Variants in CACNA2D2 observed in about 807,000 individuals in gnomAD.
CACNA2D2 encodes the protein voltage-dependent calcium channel subunit alpha-2/delta-2.
A neutral mutation model predicts 166.4 loss-of-function variants in CACNA2D2; 48 were observed. The observed-to-expected ratio is 0.29, with a 90% confidence interval of 0.23 to 0.37. CACNA2D2 has a LOEUF of 0.37. Among genes scored for constraint, CACNA2D2 ranks in the 10% least tolerant of loss-of-function variants. The pLI is 1.00. For synonymous variants in CACNA2D2, 561 were observed against 573.7 expected (o/e 0.98, Z 0.32); for missense variants, 1,122 against 1,433.0 (o/e 0.78, Z 3.50).
At chr3:50,458,483 G>A (rs995982836) in intron 2 of CACNA2D2, among the ~76,000 whole-genome samples, 4 of 152,162 alleles carry the variant, frequency 2.6e-5, no homozygotes, top group African/African-American at 9.7e-5. Flanking sequence ...TGAGAGGGTG[G>A]TAAGAGACCA....
At chr3:50,425,319 A>G (rs1437766544) in intron 3 of CACNA2D2, among the ~76,000 whole-genome samples, 1 of 152,124 alleles carries the variant, frequency 6.6e-6, no homozygotes, top group Admixed American at 6.5e-5. Flanking sequence ...TGGGAACTCT[A>G]CTAAGATGCC....
At chr3:50,389,319 G>A (rs935662259) in intron 4 of CACNA2D2, among the ~76,000 whole-genome samples, 1 of 152,206 alleles carries the variant, frequency 6.6e-6, no homozygotes, top group Admixed American at 6.5e-5. Context: ...TAAACTGAGG[G>A]GGAAAAAATA....
intron 2 of CACNA2D2, among the ~76,000 whole-genome samples, chr3:50,442,069 T>A (rs1054973558): frequency 6.6e-6 from 1 of 152,252 alleles, no homozygotes; most frequent in Non-Finnish European, 1.5e-5. Flanking sequence ...AGCATTCCTA[T>A]GGCCGTGTGC....
intron 2 of CACNA2D2, among the ~76,000 whole-genome samples, chr3:50,437,428 A>C (rs1708401084): frequency 6.6e-6 from 1 of 152,224 alleles, no homozygotes; most frequent in African/African-American, 2.4e-5. Flanking sequence ...GCAGAATCCC[A>C]GAAGTGCAGG....
At chr3:50,430,879 G>A (rs955957979) in intron 3 of CACNA2D2, among the ~76,000 whole-genome samples, 5 of 152,124 alleles carry the variant, frequency 3.3e-5, no homozygotes, top group Non-Finnish European at 5.9e-5. Flanking sequence ...CTGAGGGCCC[G>A]GCCTGTTTCC....
At chr3:50,408,975 C>A (rs1256613741) in intron 3 of CACNA2D2, among the ~76,000 whole-genome samples, 1 of 152,226 alleles carries the variant, frequency 6.6e-6, no homozygotes, top group Non-Finnish European at 1.5e-5. Flanking sequence ...TCCACTACAC[C>A]ATCTCCCAGG....
At chr3:50,373,326 G>T (rs1054430111) in intron 22 of CACNA2D2, among the ~76,000 whole-genome samples, 4 of 150,728 alleles carry the variant, frequency 2.7e-5, no homozygotes, top group African/African-American at 4.9e-5. Context: ...CCAGGCAGGT[G>T]GGGGGCGCCC....
intron 4 of CACNA2D2, among the ~76,000 whole-genome samples, chr3:50,392,855 T>G (rs1169554755): frequency 2.0e-5 from 3 of 152,214 alleles, no homozygotes; most frequent in Non-Finnish European, 4.4e-5. Flanking sequence ...TCCTGTCTCC[T>G]GGGGAAGGGG....
chr3:50,446,475 G>A (rs1708852451), intron 2 of CACNA2D2, among the ~76,000 whole-genome samples: 1 of 152,186 alleles, frequency 6.6e-6, no homozygotes, highest in Admixed American at 6.5e-5. Context: ...CCCAGCAGCT[G>A]TCTCCAGCCT....
At position 50,378,973 on chromosome 3, in the gene CACNA2D2, G is replaced by C. The variant is rs150534078; in HGVS notation, c.1281C>G (p.Ser427=). ...TGACGTCATAGTTATGCTGCCCCAC[G>C]GAGAAAGTAAACACGCGCACCTGTG... ...PNRTVRVFTF[S]VGQHNYDVTP... Residue 427 remains serine, a synonymous_variant, in exon 13 of 38, where the codon TCC becomes TCG. Transcript: ENST00000424201. The C allele has an allele frequency of 1.2e-6, 2 of 1,613,800 alleles. No homozygotes were observed. Among genetic ancestry groups the C allele is most frequent in the African/African-American group, 2.7e-5 (2 of 74,934 alleles).
chr3:50,424,884 A>G (rs1305912006), intron 3 of CACNA2D2, among the ~76,000 whole-genome samples: 1 of 151,944 alleles, frequency 6.6e-6, no homozygotes, highest in Non-Finnish European at 1.5e-5. Context: ...AAGACAGCTG[A>G]GGGTCTAGGA....
At chr3:50,382,296 T>A (rs587666542) in intron 6 of CACNA2D2, among the ~76,000 whole-genome samples, 70 of 152,232 alleles carry the variant, frequency 4.6e-4, no homozygotes, top group African/African-American at 1.6e-3. Flanking sequence ...CCAGCCACCG[T>A]CACCCCGTAC....
intron 3 of CACNA2D2, among the ~76,000 whole-genome samples, chr3:50,398,496 A>C (rs1426258765): frequency 6.6e-6 from 1 of 152,152 alleles, no homozygotes; most frequent in Admixed American, 6.5e-5. Context: ...ATGCACAGTG[A>C]ATGTCTGCTA....
rs112619900 is a variant in CACNA2D2 at position 50,475,174 on chromosome 3, C to T, written c.288+944G>A. On this transcript the variant is annotated intron_variant, in intron 2 of 37. Transcript: ENST00000424201. ...AGGAAGGGATTGAGGACAACCCCTA[C>T]GGTCCCTGCCCCACCGAGGTTACAT... 1.8e-3 allele frequency among the ~76,000 whole-genome samples: 280 copies of T among 152,230 alleles called. 2 individuals are homozygous for T. The highest frequency in any genetic ancestry group is 5.3e-3 in the African/African-American group (220 of 41,538).
Position 50,364,511 on chromosome 3 carries a change from A to T in CACNA2D2, c.*155T>A. 1 of 922,242 alleles carries T rather than the reference A, an allele frequency of 1.1e-6. No individual in the cohort carries two copies. The highest frequency in any genetic ancestry group is 1.6e-6 in the Non-Finnish European group (1 of 635,304). 57.1% of individuals were successfully genotyped at this position (922,242 alleles called of 1,614,324 possible). On this transcript the variant is annotated 3_prime_UTR_variant, in exon 38 of 38. Transcript: ENST00000424201. ...GCGGCGTCCCGCTTTGGGACTCCCC[A>T]TCCCAAGGCGCAGACCAGACTCTCA...
chr3:50,393,746 C>G (rs1706002572), intron 4 of CACNA2D2, among the ~76,000 whole-genome samples: 2 of 152,198 alleles, frequency 1.3e-5, no homozygotes, highest in South Asian at 4.1e-4. Flanking sequence ...CCCAGCATCT[C>G]TTGCAGGTCA....
At chr3:50,433,092 A>G (rs1390841851) in intron 3 of CACNA2D2, among the ~76,000 whole-genome samples, 1 of 152,204 alleles carries the variant, frequency 6.6e-6, no homozygotes, top group Non-Finnish European at 1.5e-5. Context: ...TGCAACCATC[A>G]CCACAATCTA....
chr3:50,411,114 TCCA>T (rs1706993407), intron 3 of CACNA2D2, among the ~76,000 whole-genome samples: 1 of 152,150 alleles, frequency 6.6e-6, no homozygotes, highest in African/African-American at 2.4e-5. Context: ...ACCTATAGGC[TCCA>T]CCACCTGCCC....
intron 2 of CACNA2D2, among the ~76,000 whole-genome samples, chr3:50,468,545 G>A (rs114123783): frequency 1.3e-3 from 197 of 152,098 alleles, no homozygotes; most frequent in Non-Finnish European, 2.5e-3. Context: ...AAGGGTTAGC[G>A]ACTAAAATCT....
Sources: allele counts gnomAD v4.1 joint callset (sites outside exome capture counted in the v4.1 genomes callset), GRCh38; gene constraint gnomAD v4.1.1; transcripts MANE v1.5; gene names NCBI Gene and HGNC (gene_info 2026-07-23, HGNC 2026-07-21).